Variants in RPAP2 observed in about 807,000 individuals in gnomAD.
The protein encoded by RPAP2 is RNA polymerase II associated protein 2.
In RPAP2, 52 loss-of-function variants were observed where a neutral mutation model predicts 73.1. That is an observed-to-expected ratio of 0.71 (90% confidence interval 0.57 to 0.90). The LOEUF is 0.90. RPAP2 is among the 40% of genes least tolerant of loss of function. RPAP2 has a pLI of 0.00. For missense variants in RPAP2, 598 were observed against 701.8 expected (o/e 0.85, Z 1.67); for synonymous variants, 225 against 242.1 (o/e 0.93, Z 0.65).
intron 11 of RPAP2, among the ~76,000 whole-genome samples, chr1:92,366,000 C>G (rs1557626217): frequency 3.9e-5 from 6 of 152,140 alleles, no homozygotes; most frequent in Non-Finnish European, 1.5e-5. Flanking sequence ...ATTTAACAAA[C>G]TTGGAAATCA....
intron 5 of RPAP2, among the ~76,000 whole-genome samples, chr1:92,305,050 G>A (rs1057077947): frequency 3.9e-5 from 6 of 151,990 alleles, no homozygotes; most frequent in African/African-American, 1.2e-4. Context: ...CACATGCATC[G>A]CATGAACCTG....
chr1:92,373,789 G>A (rs947856816), intron 11 of RPAP2, among the ~76,000 whole-genome samples: 4 of 149,188 alleles, frequency 2.7e-5, no homozygotes, highest in Non-Finnish European at 5.9e-5. Flanking sequence ...GCGTGGTGGT[G>A]GCGCACCTGT....
chr1:92,350,668 A>T (rs976578804), intron 11 of RPAP2, among the ~76,000 whole-genome samples: 4 of 152,242 alleles, frequency 2.6e-5, no homozygotes, highest in African/African-American at 9.6e-5. Context: ...GGCCAGGTGC[A>T]GTGGCTCATG....
rs1652502135 is a variant in RPAP2, at chr1:92,324,341, G to A, written c.1421G>A (p.Gly474Asp). ...REFYRGRYVL[G>D]EETTKSQDSE... is the part of the protein sequence containing the mutation. ...TTTTACAGAGGACGGTATGTTTTGG[G>A]TGAAGAAACCACCAAATCACAAGAC... Residue 474 changes from glycine (G) to aspartate (D), a missense_variant, in exon 8 of 13, where the codon GGT becomes GAT. Transcript: ENST00000610020. 6.2e-7 allele frequency: 1 copy of A among 1,613,678 alleles called. No homozygotes were observed. The highest frequency in any genetic ancestry group is 1.3e-5 in the African/African-American group (1 of 74,874).
chr1:92,383,404 T>G (rs1369782425), intron 12 of RPAP2, among the ~76,000 whole-genome samples: 1 of 152,262 alleles, frequency 6.6e-6, no homozygotes, highest in Non-Finnish European at 1.5e-5. Context: ...CCCATGAGCA[T>G]GGAATGTTCT....
At chr1:92,319,311 C>T (rs532101092) in intron 6 of RPAP2, among the ~76,000 whole-genome samples, 5 of 152,182 alleles carry the variant, frequency 3.3e-5, no homozygotes, top group Non-Finnish European at 4.4e-5. Context: ...GGTTTGATTC[C>T]TGGCTTCACC....
chr1:92,318,153 C>T (rs1055789766), intron 6 of RPAP2, among the ~76,000 whole-genome samples: 1 of 152,184 alleles, frequency 6.6e-6, no homozygotes, highest in African/African-American at 2.4e-5. Context: ...TAGATTCTTT[C>T]TCCCTTAACC....
In RPAP2 at chr1:92,398,814, GCCTGTGTGATTCCTGATAAAGAAA is replaced by G. The variant is rs1418385666; in HGVS notation, c.*11804_*11827del. Reference sequence around the variant, plus strand: ...TGTGGGGCAGTGACTGCGTGGGGCTGCCTGTGTGATTCCTGATAAAGAAATGCCTTCATGAAATGTATTGTTCCC... The same window carrying G: ...TGTGGGGCAGTGACTGCGTGGGGCTGTGCCTTCATGAAATGTATTGTTCCC... On this transcript the variant is annotated 3_prime_UTR_variant, in exon 13 of 13. Transcript: ENST00000610020. 6.6e-6 allele frequency: 1 copy of G among 152,250 alleles called. No homozygotes were observed. Among genetic ancestry groups the G allele is most frequent in the Non-Finnish European group, 1.5e-5 (1 of 68,064 alleles). The allele number at this position is 152,250 out of a possible 1,614,324, so 9.4% of individuals were successfully genotyped here.
chr1:92,350,076 A>G (rs1313910863), intron 11 of RPAP2, among the ~76,000 whole-genome samples: 1 of 152,224 alleles, frequency 6.6e-6, no homozygotes, highest in Non-Finnish European at 1.5e-5. Context: ...AAAATACACC[A>G]TGACCCATTC....
At position 92,331,722 on chromosome 1, in the gene RPAP2, A is replaced by G. The variant is rs567360928; in HGVS notation, c.1456-1669A>G. Among the ~76,000 whole-genome samples the G allele has an allele frequency of 2.6e-5, 4 of 152,236 alleles. No individual in the cohort carries two copies. The South Asian group carries it at 8.3e-4, about 32-fold the overall frequency. ...GCCAATACTCAGCTGGATTTATTCA[A>G]TTAATTACTCTTTCATTGTTTTTCA... is the stretch of plus-strand genomic sequence containing the variant. On this transcript the variant is annotated intron_variant, in intron 8 of 12. Transcript: ENST00000610020.
intron 7 of RPAP2, among the ~76,000 whole-genome samples, chr1:92,322,132 G>A (rs1178683796): frequency 6.6e-6 from 1 of 151,194 alleles, no homozygotes; most frequent in Admixed American, 6.6e-5. Flanking sequence ...TTTTAGTAGA[G>A]ACAGGGTTTC....
rs1656220430 is a variant in RPAP2, at chr1:92,397,814, C to T, written c.*10803C>T. ...TAGTACCAGAAACTAAGCAAGTGCT[C>T]AAAAACAAAAGGATAGAAGCATGTC... On this transcript the variant is annotated 3_prime_UTR_variant, in exon 13 of 13. Coordinates refer to ENST00000610020, the MANE Select transcript of RPAP2 (RefSeq NM_024813.3). 1.3e-5 allele frequency: 2 copies of T among 152,138 alleles called. No homozygotes were observed. Among genetic ancestry groups the T allele is most frequent in the South Asian group, 4.1e-4 (2 of 4,822 alleles). The allele number at this position is 152,138 out of a possible 1,614,324, so 9.4% of individuals were successfully genotyped here.
chr1:92,317,976 C>T (rs942613862), intron 6 of RPAP2, among the ~76,000 whole-genome samples: 1 of 152,158 alleles, frequency 6.6e-6, no homozygotes, highest in Non-Finnish European at 1.5e-5. Context: ...CCGTCTCTGA[C>T]CACAACCTCT....
chr1:92,351,815 G>A (rs1414392721), intron 11 of RPAP2, among the ~76,000 whole-genome samples: 5 of 152,140 alleles, frequency 3.3e-5, no homozygotes, highest in Admixed American at 6.5e-5. Flanking sequence ...TTCCTCAAGT[G>A]TTTATACTTA....
intron 12 of RPAP2, 50 bp downstream of exon 12, chr1:92,380,923 A>T: frequency 7.0e-7 from 1 of 1,424,432 alleles, no homozygotes. Flanking sequence ...TTTGTTGCCT[A>T]TGTGGATTCT....
chr1:92,343,480 T>C (rs1187695265), intron 10 of RPAP2, among the ~76,000 whole-genome samples: 1 of 152,244 alleles, frequency 6.6e-6, no homozygotes, highest in Admixed American at 6.5e-5. Flanking sequence ...TCCTATCATC[T>C]AGGCTTTTTT....
intron 11 of RPAP2, among the ~76,000 whole-genome samples, chr1:92,373,780 C>A (rs1037528102): frequency 2.4e-5 from 3 of 124,346 alleles, no homozygotes; most frequent in Non-Finnish European, 4.9e-5. Flanking sequence ...AGTAGCCAGG[C>A]GTGGTGGTGG....
intron 12 of RPAP2, among the ~76,000 whole-genome samples, chr1:92,382,303 T>C (rs1250811981): frequency 6.6e-6 from 1 of 152,208 alleles, no homozygotes; most frequent in East Asian, 1.9e-4. Flanking sequence ...GATAGCTGGG[T>C]CAAATGGTAT....
chr1:92,365,881 T>C (rs957671350), intron 11 of RPAP2, among the ~76,000 whole-genome samples: 11 of 152,138 alleles, frequency 7.2e-5, no homozygotes, highest in African/African-American at 2.7e-4. Context: ...GGGTTATTTG[T>C]TCATCTTTTA....
Sources: gnomAD v4.1 joint callset for allele counts (sites outside exome capture counted in the v4.1 genomes callset) on GRCh38, gnomAD v4.1.1 for gene constraint, MANE v1.5 for transcripts, NCBI Gene and HGNC (gene_info 2026-07-23, HGNC 2026-07-21) for gene names.